The following TRPM3 variants were observed in gnomAD, a reference collection of about 807,000 sequenced individuals.
TRPM3 encodes transient receptor potential cation channel subfamily M member 3.
In TRPM3, 77 loss-of-function variants were observed where a neutral mutation model predicts 181.2. That is an observed-to-expected ratio of 0.42 (90% CI 0.35 to 0.51). The LOEUF is 0.51. TRPM3 is among the 20% of genes least tolerant of loss of function. The pLI is 0.01. For synonymous variants in TRPM3, 745 were observed against 796.4 expected (o/e 0.94, Z 1.09); for missense variants, 1,759 against 2,196.7 (o/e 0.80, Z 3.98).
intron 1 of TRPM3, among the ~76,000 whole-genome samples, chr9:71,296,939 G>A (rs2086314765): frequency 1.3e-5 from 2 of 151,240 alleles, no homozygotes; most frequent in South Asian, 4.2e-4. Flanking sequence ...AAGATTTAAA[G>A]CGATGAAAAT....
intron 1 of TRPM3, among the ~76,000 whole-genome samples, chr9:70,905,985 G>A (rs549854200): frequency 6.6e-6 from 1 of 152,156 alleles, no homozygotes; most frequent in South Asian, 2.1e-4. Context: ...GCCTCTCAAG[G>A]TGTTGAGATT....
intron 1 of TRPM3, among the ~76,000 whole-genome samples, chr9:71,440,246 A>G (rs12377029): frequency 0.025 from 3,765 of 152,322 alleles, 67 homozygotes; most frequent in Non-Finnish European, 0.04. Flanking sequence ...TCATAGAAAT[A>G]TAATTCACCC....
At chr9:70,584,175 A>C (rs974814226) in intron 22 of TRPM3, among the ~76,000 whole-genome samples, 1 of 152,044 alleles carries the variant, frequency 6.6e-6, no homozygotes, top group Admixed American at 6.6e-5. Flanking sequence ...GAAATGCATG[A>C]GCCACTGTGC....
chr9:70,899,588 A>G (rs957469672), intron 1 of TRPM3, among the ~76,000 whole-genome samples: 4 of 152,102 alleles, frequency 2.6e-5, no homozygotes, highest in African/African-American at 9.7e-5. Context: ...ACCCCTTATG[A>G]ATCTGCTGTC....
chr9:70,535,705 C>G lies in TRPM3; in HGVS notation c.*248G>C. The G allele has an allele frequency of 1.4e-6, 2 of 1,434,824 alleles. No individual in the cohort carries two copies. Among genetic ancestry groups the G allele is most frequent in the Non-Finnish European group, 1.8e-6 (2 of 1,101,380 alleles). 88.9% of individuals were successfully genotyped at this position (1,434,824 alleles called of 1,614,324 possible). A position where few individuals can be genotyped will look rare whatever the true frequency, so the allele number is the denominator to read the frequency against. ...TCATCTCTAACCCTTCCTTCTCCCTCTCTTCCCCCTCCCTGCCCAGCAAGT... is the reference window on the plus strand; with the variant it reads ...TCATCTCTAACCCTTCCTTCTCCCTGTCTTCCCCCTCCCTGCCCAGCAAGT... On this transcript the variant is annotated 3_prime_UTR_variant, in exon 26 of 26. Transcript: ENST00000677713.
chr9:70,862,623 T>C (rs2095550857), intron 3 of TRPM3, among the ~76,000 whole-genome samples: 2 of 152,156 alleles, frequency 1.3e-5, no homozygotes, highest in African/African-American at 2.4e-5. Context: ...TGAATAACTA[T>C]AGAAAGCTAT....
chr9:71,171,848 A>C (rs1435346284), intron 1 of TRPM3, among the ~76,000 whole-genome samples: 1 of 151,956 alleles, frequency 6.6e-6, no homozygotes, highest in Non-Finnish European at 1.5e-5. Flanking sequence ...GATTGGCACC[A>C]CATAAGGCTT....
In TRPM3 at chr9:70,953,989, G is replaced by A. The variant is rs561804055; in HGVS notation, c.178-89478C>T. On this transcript the variant is annotated intron_variant, in intron 1 of 25. Coordinates refer to ENST00000677713, the MANE Select transcript of TRPM3 (RefSeq NM_001366145.2). The stretch of plus-strand genomic sequence containing the variant: ...AAACTTCAGTGGGTCTTCTCAGGCT[G>A]GGGCATCAGAAACATCCCTGAAGAA... 1.2e-3 allele frequency among the ~76,000 whole-genome samples: 180 copies of A among 152,198 alleles called. 1 individual carries two copies. The highest frequency in any genetic ancestry group is 4.1e-3 in the African/African-American group (172 of 41,534).
intron 25 of TRPM3, among the ~76,000 whole-genome samples, chr9:70,548,120 C>A (rs2045517084): frequency 6.6e-6 from 1 of 152,174 alleles, no homozygotes; most frequent in Non-Finnish European, 1.5e-5. Flanking sequence ...CATGTCTGAG[C>A]AATGGGTAAT....
At chr9:70,689,719 C>A (rs149040306) in intron 8 of TRPM3, among the ~76,000 whole-genome samples, 12 of 151,928 alleles carry the variant, frequency 7.9e-5, no homozygotes, top group African/African-American at 2.2e-4. Context: ...ACATATGAAA[C>A]TTTGGTTCTA....
chr9:71,446,533 C>T, intron 1 of TRPM3: 2 of 1,014,874 alleles, frequency 2.0e-6, no homozygotes, highest in Non-Finnish European at 2.8e-6. Flanking sequence ...TTAGAAGCGG[C>T]GCCACAAGTT....
chr9:71,318,344 T>G (rs565525799), intron 1 of TRPM3, among the ~76,000 whole-genome samples: 25 of 152,226 alleles, frequency 1.6e-4, no homozygotes, highest in Admixed American at 1.2e-3. Flanking sequence ...AATCCAAAAT[T>G]TTGACTTACT....
chr9:71,222,390 G>T (rs1203441199), intron 1 of TRPM3, among the ~76,000 whole-genome samples: 1 of 152,068 alleles, frequency 6.6e-6, no homozygotes, highest in Non-Finnish European at 1.5e-5. Context: ...TTGGGAAGGG[G>T]GAGTAAGGGC....
chr9:70,531,340 T>C lies in TRPM3; in HGVS notation c.*4613A>G, dbSNP rs1159301916. On this transcript the variant is annotated 3_prime_UTR_variant, in exon 26 of 26. Transcript: ENST00000677713. The stretch of plus-strand genomic sequence containing the variant: ...GTTACTTTTTTTTTGTTTTTAATTT[T>C]TCAAAACTGAACATAATCCCCATAG... 1.3e-5 allele frequency: 2 copies of C among 152,216 alleles called. No individual in the cohort carries two copies. Among genetic ancestry groups the C allele is most frequent in the Non-Finnish European group, 2.9e-5 (2 of 68,044 alleles). The allele number at this position is 152,216 out of a possible 1,614,324, so 9.4% of individuals were successfully genotyped here.
At chr9:70,673,178 T>C (rs1179386711) in intron 9 of TRPM3, among the ~76,000 whole-genome samples, 1 of 151,928 alleles carries the variant, frequency 6.6e-6, no homozygotes, top group Non-Finnish European at 1.5e-5. Flanking sequence ...AGGGGGAAAG[T>C]GGATATTTGG....
At chr9:71,181,206 C>T (rs571990971) in intron 1 of TRPM3, among the ~76,000 whole-genome samples, 1 of 152,228 alleles carries the variant, frequency 6.6e-6, no homozygotes, top group East Asian at 1.9e-4. Context: ...AACTGTCTGT[C>T]CATGTTCACT....
At chr9:71,416,599 C>T (rs567292283) in intron 1 of TRPM3, among the ~76,000 whole-genome samples, 2 of 151,830 alleles carry the variant, frequency 1.3e-5, no homozygotes, top group East Asian at 1.9e-4. Flanking sequence ...AAAACATAAC[C>T]AGTAAAATGC....
intron 1 of TRPM3, among the ~76,000 whole-genome samples, chr9:71,224,164 C>T (rs559377905): frequency 6.6e-6 from 1 of 152,310 alleles, no homozygotes; most frequent in East Asian, 1.9e-4. Context: ...TTGTGTCACC[C>T]CTCCTCCAGC....
At chr9:70,780,483 T>C (rs754741952) in intron 7 of TRPM3, among the ~76,000 whole-genome samples, 6 of 152,226 alleles carry the variant, frequency 3.9e-5, no homozygotes, top group Non-Finnish European at 8.8e-5. Flanking sequence ...TGGACTTTAT[T>C]AGAAATCAAA....
Sources: allele counts gnomAD v4.1 joint callset (sites outside exome capture counted in the v4.1 genomes callset), GRCh38; gene constraint gnomAD v4.1.1; transcripts MANE v1.5; gene names NCBI Gene and HGNC (gene_info 2026-07-23, HGNC 2026-07-21).